MYO6: variants seen among roughly 807,000 people sequenced by gnomAD.
MYO6 encodes the protein unconventional myosin-VI.
A neutral mutation model predicts 178.7 loss-of-function variants in MYO6; 74 were observed. That is an observed-to-expected ratio of 0.41 (90% CI 0.34 to 0.50). MYO6 has a LOEUF of 0.50. Ranked by LOEUF, MYO6 falls within the 20% of genes least tolerant of loss-of-function variation. The pLI is 0.09. For synonymous variants in MYO6, 477 were observed against 504.6 expected (o/e 0.95, Z 0.73); for missense variants, 1,330 against 1,547.4 (o/e 0.86, Z 2.36).
intron 1 of MYO6, among the ~76,000 whole-genome samples, chr6:75,810,604 G>C (rs536926871): frequency 2.9e-4 from 44 of 152,306 alleles, no homozygotes; most frequent in African/African-American, 1.0e-3. Flanking sequence ...ATCCAAGAGG[G>C]ATCCCCATTC....
intron 18 of MYO6, among the ~76,000 whole-genome samples, chr6:75,869,401 C>T (rs1270869161): frequency 1.3e-5 from 2 of 152,024 alleles, no homozygotes; most frequent in African/African-American, 2.4e-5. Context: ...TTATTAGCTC[C>T]GTAACCTCGG....
At chr6:75,876,263 G>A (rs910509618) in intron 20 of MYO6, among the ~76,000 whole-genome samples, 2 of 152,162 alleles carry the variant, frequency 1.3e-5, no homozygotes, top group African/African-American at 2.4e-5. Flanking sequence ...ATACATATTT[G>A]TATAATTATT....
intron 25 of MYO6, among the ~76,000 whole-genome samples, chr6:75,887,873 G>C (rs1237038532): frequency 6.6e-6 from 1 of 151,796 alleles, no homozygotes; most frequent in South Asian, 2.1e-4. Flanking sequence ...CAGCTACTTG[G>C]GAGGCTGAGG....
At chr6:75,802,634 C>T (rs984508387) in intron 1 of MYO6, among the ~76,000 whole-genome samples, 1 of 151,890 alleles carries the variant, frequency 6.6e-6, no homozygotes, top group African/African-American at 2.4e-5. Flanking sequence ...CACAGGCATG[C>T]ACCACTTCAC....
intron 25 of MYO6, among the ~76,000 whole-genome samples, chr6:75,887,983 A>T (rs908259137): frequency 2.7e-5 from 4 of 150,654 alleles, no homozygotes; most frequent in Non-Finnish European, 5.9e-5. Context: ...CGTCTCAAAA[A>T]AAATAAATAA....
rs773292362 is a variant in MYO6 at position 75,844,962 on chromosome 6, C to T, written c.882C>T (p.Asn294=). The stretch of plus-strand genomic sequence containing the variant: ...AAACTGACAAACAGATTTTACAGAA[C>T]CGCAAAAGTCCTGAGGTATAGTAGA... ...NKETDKQILQ[N]RKSPEYLKAG... is the part of the protein sequence containing the mutation. Residue 294 remains asparagine, a synonymous_variant, in exon 10 of 35, where the codon AAC becomes AAT. Transcript: ENST00000369977. The T allele has an allele frequency of 6.2e-7, 1 of 1,612,048 alleles. No homozygotes were observed. Among genetic ancestry groups the T allele is most frequent in the South Asian group, 1.1e-5 (1 of 91,016 alleles).
chr6:75,778,536 G>T (rs1766620667), intron 1 of MYO6, among the ~76,000 whole-genome samples: 1 of 151,802 alleles, frequency 6.6e-6, no homozygotes, highest in South Asian at 2.1e-4. Flanking sequence ...GGCGGAGCTT[G>T]CATTGAGCCC....
chr6:75,755,779 C>T (rs1183185678), intron 1 of MYO6, among the ~76,000 whole-genome samples: 1 of 152,140 alleles, frequency 6.6e-6, no homozygotes, highest in Non-Finnish European at 1.5e-5. Flanking sequence ...AGGCACTATT[C>T]TAAGTTCTAG....
At chr6:75,798,343 T>C (rs977212764) in intron 1 of MYO6, among the ~76,000 whole-genome samples, 2 of 152,210 alleles carry the variant, frequency 1.3e-5, no homozygotes, top group African/African-American at 2.4e-5. Context: ...TTGGTCTGTC[T>C]GTTTTTGTAC....
intron 7 of MYO6, 111 bp from the exon 8 acceptor site, chr6:75,840,474 T>C (rs1340700486): frequency 7.5e-6 from 6 of 799,262 alleles, no homozygotes; most frequent in East Asian, 2.7e-5. Context: ...GTTAATATTT[T>C]TTAGAACATT....
chr6:75,892,179 A>G (rs911726937), intron 27 of MYO6, among the ~76,000 whole-genome samples: 3 of 152,212 alleles, frequency 2.0e-5, no homozygotes, highest in Admixed American at 6.5e-5. Context: ...TATCCTAAGC[A>G]TAACCAAAAC....
At position 75,866,278 on chromosome 6, in the gene MYO6, T is replaced by TGTGTGTGTGG. The variant is rs773297070; in HGVS notation, c.1675-239_1675-238insGGTGTGTGTG. 0.25 allele frequency among the ~76,000 whole-genome samples: 34,989 copies of TGTGTGTGTGG among 142,294 alleles called. 5,077 individuals carry two copies. The highest frequency in any genetic ancestry group is 0.4 in the Middle Eastern group (109 of 274). 93.4% of individuals were successfully genotyped at this position (142,294 alleles called of 152,430 possible). A position where few individuals can be genotyped will look rare whatever the true frequency, so the allele number is the denominator to read the frequency against. ...CTCTCCGTCTCTGTCTCTGTCTCTG[T>TGTGTGTGTGG]GTGTGTGTGTGTGTGTGTGTGTGTG... On this transcript the variant is annotated intron_variant, in intron 16 of 34. Coordinates refer to ENST00000369977, the MANE Select transcript of MYO6 (RefSeq NM_004999.4).
intron 3 of MYO6, among the ~76,000 whole-genome samples, chr6:75,825,703 G>A (rs1286352502): frequency 1.3e-5 from 2 of 152,164 alleles, no homozygotes; most frequent in African/African-American, 4.8e-5. Context: ...ATTGACTTCT[G>A]TGTTGAAGTT....
chr6:75,833,027 C>A (rs2150222843), intron 6 of MYO6, 80 bp downstream of exon 6: 3 of 987,146 alleles, frequency 3.0e-6, no homozygotes, highest in East Asian at 4.8e-5. Context: ...TACTGTGTCA[C>A]CCAGGGTGGA....
chr6:75,765,359 T>C (rs1778327183), intron 1 of MYO6, among the ~76,000 whole-genome samples: 1 of 151,626 alleles, frequency 6.6e-6, no homozygotes, highest in Non-Finnish European at 1.5e-5. Flanking sequence ...GTATTTTTAG[T>C]AGAGATGGGG....
At chr6:75,792,936 A>G (rs1768391560) in intron 1 of MYO6, among the ~76,000 whole-genome samples, 1 of 151,368 alleles carries the variant, frequency 6.6e-6, no homozygotes, top group African/African-American at 2.4e-5. Flanking sequence ...GGTATACACC[A>G]CCATACCCAG....
chr6:75,899,270 C>G (rs770581154), intron 30 of MYO6, among the ~76,000 whole-genome samples: 7 of 152,190 alleles, frequency 4.6e-5, no homozygotes, highest in Non-Finnish European at 8.8e-5. Context: ...TATCAAAACA[C>G]ATTTTACATA....
At chr6:75,861,450 T>G (rs1181014091) in intron 15 of MYO6, among the ~76,000 whole-genome samples, 1 of 152,192 alleles carries the variant, frequency 6.6e-6, no homozygotes, top group Non-Finnish European at 1.5e-5. Context: ...TTTGTCAGGG[T>G]TTGCCCTGCT....
At position 75,908,489 on chromosome 6, in the gene MYO6, T is replaced by C. The variant is rs201097991; in HGVS notation, c.3281-7T>C. ...AATTTTTTTTTTTTGCTCAATGTAA[T>C]CAATAGATATTGAGCTCCTGGCAGC... On this transcript the variant is annotated splice_polypyrimidine_tract_variant and splice_region_variant and intron_variant, in intron 31 of 34. Coordinates refer to ENST00000369977, the MANE Select transcript of MYO6 (RefSeq NM_004999.4). The C allele has an allele frequency of 6.2e-7, 1 of 1,611,552 alleles. No individual in the cohort carries two copies. The highest frequency in any genetic ancestry group is 1.3e-5 in the African/African-American group (1 of 74,928).
Sources: allele counts gnomAD v4.1 joint callset (sites outside exome capture counted in the v4.1 genomes callset), GRCh38; gene constraint gnomAD v4.1.1; transcripts MANE v1.5; gene names NCBI Gene and HGNC (gene_info 2026-07-23, HGNC 2026-07-21).